The following DCDC2C variants were observed in gnomAD, a reference collection of about 807,000 sequenced individuals.
DCDC2C encodes doublecortin domain-containing protein 2C.
Under a neutral mutation model 45.0 loss-of-function variants are expected in DCDC2C, and 44 were observed. The ratio of observed to expected loss-of-function variants is 0.98; its 90% CI spans 0.77 to 1.26. The LOEUF is 1.26. DCDC2C is among the 50% of genes most tolerant of loss of function. DCDC2C has a pLI of 0.00. For synonymous variants in DCDC2C, 187 were observed against 178.8 expected (o/e 1.05, Z -0.37); for missense variants, 447 against 468.9 (o/e 0.95, Z 0.43).
chr2:3,706,595 T>A (rs1435277233), intron 1 of DCDC2C, among the ~76,000 whole-genome samples: 1 of 152,064 alleles, frequency 6.6e-6, no homozygotes. Flanking sequence ...CCCAAAGAAT[T>A]TGAATGCTTA....
chr2:3,761,510 G>T lies in DCDC2C; in HGVS notation c.727-6244G>T, dbSNP rs1669882400. Reference sequence around the variant, plus strand: ...AATGAGTGCTTTGGAATTGACATTTGCTGGCTAATCATGTCAAGGCTGGAG... The same window carrying T: ...AATGAGTGCTTTGGAATTGACATTTTCTGGCTAATCATGTCAAGGCTGGAG... On this transcript the variant is annotated intron_variant, in intron 6 of 10. Coordinates refer to ENST00000399143, the MANE Select transcript of DCDC2C (RefSeq NM_001287444.2). The surrounding 1 kb of genome is among the most constrained non-coding windows in gnomAD (Gnocchi z 4.3). 6.6e-6 allele frequency among the ~76,000 whole-genome samples: 1 copy of T among 152,160 alleles called. No homozygotes were observed. The highest frequency in any genetic ancestry group is 1.5e-5 in the Non-Finnish European group (1 of 68,044).
chr2:3,829,288 T>TA (rs1235972360), intron 10 of DCDC2C, among the ~76,000 whole-genome samples: 1 of 150,838 alleles, frequency 6.6e-6, no homozygotes. Flanking sequence ...CTTTTTCTTT[T>TA]TTTTTTTTTT....
intron 10 of DCDC2C, among the ~76,000 whole-genome samples, chr2:3,835,501 C>T (rs182689614): frequency 5.9e-5 from 9 of 152,224 alleles, no homozygotes; most frequent in African/African-American, 1.4e-4. Flanking sequence ...CAGATGGGAG[C>T]GTGACTCTCA....
Position 3,727,031 on chromosome 2 carries a change from A to G in DCDC2C, c.368A>G (p.Asn123Ser), listed in dbSNP as rs1668708771. The G allele has an allele frequency of 6.4e-7, 1 of 1,550,486 alleles. No individual in the cohort carries two copies. Among genetic ancestry groups the G allele is most frequent in the Middle Eastern group, 1.7e-4 (1 of 5,992 alleles). The change falls in exon 3 of 11, where the codon AAT becomes AGT. Residue 123 changes from asparagine (N) to serine (S), a missense_variant. Coordinates refer to ENST00000399143, the MANE Select transcript of DCDC2C (RefSeq NM_001287444.2). ...EIKPVVHCDI[N>S]VPSKWQTYHR... ...AAACCAGTGGTGCATTGTGATATAA[A>G]TGTGCCTTCCAAGTGGCAAACATAT...
chr2:3,786,292 G>A (rs1311212272), intron 10 of DCDC2C, among the ~76,000 whole-genome samples: 1 of 133,724 alleles, frequency 7.5e-6, no homozygotes, highest in African/African-American at 2.8e-5. Context: ...CGCCCTCCAC[G>A]TGCAGTGAAC....
Position 3,727,547 on chromosome 2 carries a change from A to C in DCDC2C, c.416+468A>C, listed in dbSNP as rs549948834. 2.4e-4 allele frequency among the ~76,000 whole-genome samples: 37 copies of C among 152,314 alleles called. No individual in the cohort carries two copies. In the South Asian group the frequency reaches 7.7e-3, roughly 32 times the overall value. On this transcript the variant is annotated intron_variant, in intron 3 of 10. Transcript: ENST00000399143. ...GCCCTCATGGGCTACAGCACATCCAAGTCAGGTGTTGCTACAGGAACGGAG... is the reference window on the plus strand; with the variant it reads ...GCCCTCATGGGCTACAGCACATCCACGTCAGGTGTTGCTACAGGAACGGAG...
At chr2:3,820,584 A>G (rs1245184038) in intron 10 of DCDC2C, among the ~76,000 whole-genome samples, 1 of 152,190 alleles carries the variant, frequency 6.6e-6, no homozygotes, top group Non-Finnish European at 1.5e-5. Context: ...CACAGTGATT[A>G]AACACCAAGG....
chr2:3,830,820 C>T (rs938743097), intron 10 of DCDC2C, among the ~76,000 whole-genome samples: 4 of 152,172 alleles, frequency 2.6e-5, no homozygotes, highest in Admixed American at 6.5e-5. Context: ...GTGTTCACTA[C>T]ATTTTTCTTT....
chr2:3,811,055 C>A (rs759319518), intron 10 of DCDC2C, among the ~76,000 whole-genome samples: 13 of 152,154 alleles, frequency 8.5e-5, no homozygotes, highest in Non-Finnish European at 1.3e-4. Flanking sequence ...ATTATCTTGG[C>A]TATGCAGAGT....
At chr2:3,793,166 A>G (rs1256098479) in intron 10 of DCDC2C, among the ~76,000 whole-genome samples, 1 of 152,244 alleles carries the variant, frequency 6.6e-6, no homozygotes, top group Non-Finnish European at 1.5e-5. Flanking sequence ...GTTTGTAAAT[A>G]GAATGAAAAG....
chr2:3,718,491 G>A (rs1389548353), intron 2 of DCDC2C, among the ~76,000 whole-genome samples: 1 of 152,174 alleles, frequency 6.6e-6, no homozygotes, highest in African/African-American at 2.4e-5. Flanking sequence ...TTCTATCAAT[G>A]AGATTCACGT....
chr2:3,783,784 G>GATGA (rs1670576012), intron 9 of DCDC2C, among the ~76,000 whole-genome samples: 1 of 152,232 alleles, frequency 6.6e-6, no homozygotes, highest in Non-Finnish European at 1.5e-5. Context: ...GGGGACTAAA[G>GATGA]ATGAAGGTGG....
chr2:3,819,117 G>A lies in DCDC2C; in HGVS notation c.1066-28037G>A, dbSNP rs187916883. Reference sequence around the variant, plus strand: ...CTCCACTCTAAGAGTTACCCAGAGCGTCTGTGATGGTCCAGGAAGCTTCCT... The same window carrying A: ...CTCCACTCTAAGAGTTACCCAGAGCATCTGTGATGGTCCAGGAAGCTTCCT... On this transcript the variant is annotated intron_variant, in intron 10 of 10. Transcript: ENST00000399143. Among the ~76,000 whole-genome samples the A allele has an allele frequency of 2.8e-4, 42 of 152,256 alleles. No homozygotes were observed. In the South Asian group the frequency reaches 7.3e-3, roughly 26 times the overall value.
intron 4 of DCDC2C, among the ~76,000 whole-genome samples, chr2:3,749,942 G>A (rs1669490918): frequency 6.6e-6 from 1 of 152,116 alleles, no homozygotes; most frequent in Admixed American, 6.5e-5. Context: ...TTCCAGTTGA[G>A]TTTTTTCGGG....
rs544653912 is a variant in DCDC2C, at chr2:3,760,883, AATC to A, written c.726+6252_726+6254del. Among the ~76,000 whole-genome samples the A allele has an allele frequency of 1.1e-4, 17 of 152,296 alleles. 1 individual carries two copies. The East Asian group carries it at 3.3e-3, about 29-fold the overall frequency. The stretch of plus-strand genomic sequence containing the variant: ...CATTTCCCAAGGAAATGGAAAAAAA[AATC>A]ATGAATGCAGTTTAGTTATTAGCAC... On this transcript the variant is annotated intron_variant, in intron 6 of 10. Coordinates refer to ENST00000399143, the MANE Select transcript of DCDC2C (RefSeq NM_001287444.2).
intron 6 of DCDC2C, among the ~76,000 whole-genome samples, chr2:3,766,620 G>A (rs1482939746): frequency 1.3e-5 from 2 of 152,158 alleles, no homozygotes; most frequent in East Asian, 3.8e-4. Flanking sequence ...TTTCCACAAA[G>A]ATTGAAAACC....
chr2:3,846,633 G>A (rs150921175), intron 10 of DCDC2C, among the ~76,000 whole-genome samples: 145 of 152,158 alleles, frequency 9.5e-4, no homozygotes, highest in African/African-American at 3.1e-3. Context: ...TTAAAATGTC[G>A]CCTCTAGATG....
intron 10 of DCDC2C, among the ~76,000 whole-genome samples, chr2:3,810,911 A>G (rs1671375745): frequency 6.6e-6 from 1 of 151,990 alleles, no homozygotes; most frequent in African/African-American, 2.4e-5. Context: ...GTTATTTCTG[A>G]GGTCTCTGTT....
At chr2:3,808,121 T>C (rs1025984659) in intron 10 of DCDC2C, among the ~76,000 whole-genome samples, 3 of 152,238 alleles carry the variant, frequency 2.0e-5, no homozygotes, top group African/African-American at 7.2e-5. Flanking sequence ...CAGCTGTATA[T>C]ATAGTTTTGC....
Sources: allele counts gnomAD v4.1 joint callset (sites outside exome capture counted in the v4.1 genomes callset), GRCh38; gene constraint gnomAD v4.1.1; non-coding constraint Gnocchi (gnomAD v3.1); transcripts MANE v1.5; gene names NCBI Gene and HGNC (gene_info 2026-07-23, HGNC 2026-07-21).